AK5: variants seen among roughly 807,000 people sequenced by gnomAD.
AK5 encodes the protein adenylate kinase 5, also known as adenylate kinase isoenzyme 5.
In AK5, 27 loss-of-function variants were observed where a neutral mutation model predicts 69.5. That is an observed-to-expected ratio of 0.39 (90% CI 0.29 to 0.54). AK5 has a LOEUF of 0.54. AK5 is among the 20% of genes least tolerant of loss of function. AK5 has a pLI of 0.71. For missense variants in AK5, 531 were observed against 700.4 expected, an observed-to-expected ratio of 0.76 and a Z score of 2.73; for synonymous variants, 260 against 244.4, an observed-to-expected ratio of 1.06 and a Z score of -0.60.
chr1:77,359,544 A>G (rs540050308), intron 6 of AK5, among the ~76,000 whole-genome samples: 2 of 152,280 alleles, frequency 1.3e-5, no homozygotes, highest in African/African-American at 4.8e-5. Flanking sequence ...TCTGAAAAAA[A>G]AATGGATAAA....
chr1:77,391,748 T>A (rs1479595440), intron 6 of AK5, among the ~76,000 whole-genome samples: 1 of 152,060 alleles, frequency 6.6e-6, no homozygotes, highest in African/African-American at 2.4e-5. Context: ...TATCTTGATT[T>A]TATGCCTGCA....
chr1:77,297,802 G>T, intron 4 of AK5, 32 bp from the exon 5 acceptor site: 1 of 1,604,484 alleles, frequency 6.2e-7, no homozygotes. Context: ...TTAACTGTGG[G>T]GTTTTTTTGT....
intron 8 of AK5, among the ~76,000 whole-genome samples, chr1:77,461,501 G>A (rs2100676897): frequency 6.6e-6 from 1 of 152,008 alleles, no homozygotes; most frequent in Admixed American, 6.5e-5. Flanking sequence ...GCCGGGCACG[G>A]TGGCTTACGC....
At chr1:77,357,134 T>G (rs926648900) in intron 6 of AK5, among the ~76,000 whole-genome samples, 1 of 152,198 alleles carries the variant, frequency 6.6e-6, no homozygotes, top group African/African-American at 2.4e-5. Flanking sequence ...ATGCCTATGT[T>G]ATTCACAAAC....
intron 12 of AK5, among the ~76,000 whole-genome samples, chr1:77,531,078 G>A (rs952164419): frequency 5.3e-5 from 8 of 152,168 alleles, no homozygotes; most frequent in South Asian, 2.1e-4. Flanking sequence ...GTGGACCCTC[G>A]CGGTGAGTGT....
intron 10 of AK5, among the ~76,000 whole-genome samples, chr1:77,497,017 C>T (rs989309549): frequency 6.6e-5 from 10 of 152,318 alleles, no homozygotes; most frequent in Admixed American, 5.9e-4. Flanking sequence ...ACTGGGGTCC[C>T]CTTCCATGCT....
chr1:77,384,969 A>G (rs982537775), intron 6 of AK5, among the ~76,000 whole-genome samples: 2 of 152,118 alleles, frequency 1.3e-5, no homozygotes, highest in African/African-American at 2.4e-5. Context: ...GCCCCTTACT[A>G]GATGTAGAAC....
At chr1:77,404,223 C>T (rs1348883030) in intron 6 of AK5, among the ~76,000 whole-genome samples, 3 of 152,126 alleles carry the variant, frequency 2.0e-5, no homozygotes, top group Admixed American at 6.5e-5. Context: ...AATTTTTTCA[C>T]GACTGACATT....
At chr1:77,541,967 G>A (rs1659301165) in intron 13 of AK5, among the ~76,000 whole-genome samples, 1 of 152,096 alleles carries the variant, frequency 6.6e-6, no homozygotes, top group African/African-American at 2.4e-5. Context: ...GAGTGCATAT[G>A]GTATGTGTGG....
At chr1:77,526,465 CTTTTTTTT>C (rs917395853) in intron 12 of AK5, among the ~76,000 whole-genome samples, 7 of 84,658 alleles carry the variant, frequency 8.3e-5, no homozygotes, top group East Asian at 3.5e-4. Context: ...GAATAAAAGT[CTTTTTTTT>C]TTTTTTTTTT....
intron 6 of AK5, among the ~76,000 whole-genome samples, chr1:77,378,371 G>A (rs1238583415): frequency 6.6e-6 from 1 of 152,110 alleles, no homozygotes; most frequent in African/African-American, 2.4e-5. Context: ...TGCCCAGGCT[G>A]TATGCAATGG....
At chr1:77,429,167 GA>G (rs1400809041) in intron 8 of AK5, among the ~76,000 whole-genome samples, 1 of 152,098 alleles carries the variant, frequency 6.6e-6, no homozygotes, top group African/African-American at 2.4e-5. Flanking sequence ...GATCCCTGAG[GA>G]ATCGCCACAC....
intron 8 of AK5, among the ~76,000 whole-genome samples, chr1:77,467,164 ATGGAGTCTT>A (rs1014467942): frequency 6.6e-6 from 1 of 152,198 alleles, no homozygotes; most frequent in African/African-American, 2.4e-5. Flanking sequence ...GGAAAAATGC[ATGGAGTCTT>A]TGGAGTTCAG....
At chr1:77,456,568 C>T (rs751295352) in intron 8 of AK5, among the ~76,000 whole-genome samples, 1 of 152,170 alleles carries the variant, frequency 6.6e-6, no homozygotes, top group Non-Finnish European at 1.5e-5. Context: ...ACAGCACCTT[C>T]GAAGGCACAG....
At chr1:77,312,388 G>A (rs924112752) in intron 5 of AK5, among the ~76,000 whole-genome samples, 3 of 152,110 alleles carry the variant, frequency 2.0e-5, no homozygotes, top group Non-Finnish European at 4.4e-5. Context: ...GCCGAGGCAG[G>A]TGGATGACTT....
chr1:77,504,301 T>C (rs1656902948), intron 10 of AK5, among the ~76,000 whole-genome samples: 1 of 152,192 alleles, frequency 6.6e-6, no homozygotes, highest in South Asian at 2.1e-4. Context: ...ATTTCTTTTC[T>C]TTTTACAAAA....
intron 5 of AK5, chr1:77,313,725 ACC>A: frequency 8.4e-6 from 4 of 474,860 alleles, no homozygotes; most frequent in Admixed American, 2.3e-5. Context: ...TGCTTTCCGT[ACC>A]CTGTGGTACC....
rs1427000562 is a variant in AK5, at chr1:77,438,777, CACAA to C, written c.1059+21068_1059+21071del. ...TGAATTCACCAGAAGAGACATGCAT[CACAA>C]ACAAAGTACACGTTCTATAAAAACC... On this transcript the variant is annotated intron_variant, in intron 8 of 13. Coordinates refer to ENST00000354567, the MANE Select transcript of AK5 (RefSeq NM_174858.3). Among the ~76,000 whole-genome samples, 5 of 152,240 alleles carry C rather than the reference CACAA, an allele frequency of 3.3e-5. No homozygotes were observed. The East Asian group carries it at 7.7e-4, about 24-fold the overall frequency.
chr1:77,387,805 G>C (rs1648132475), intron 6 of AK5, among the ~76,000 whole-genome samples: 1 of 152,190 alleles, frequency 6.6e-6, no homozygotes. Context: ...GGAATTAACA[G>C]GACTTGGTAT....
Sources: allele counts gnomAD v4.1 joint callset (sites outside exome capture counted in the v4.1 genomes callset), GRCh38; gene constraint gnomAD v4.1.1; transcripts MANE v1.5; gene names NCBI Gene and HGNC (gene_info 2026-07-23, HGNC 2026-07-21).